Variants in PLCXD3 observed in about 807,000 individuals in gnomAD.
PLCXD3 encodes PI-PLC X domain-containing protein 3.
PLCXD3 carries 19 observed loss-of-function variants against 25.5 expected under a neutral mutation model. The ratio of observed to expected loss-of-function variants is 0.75; its 90% CI spans 0.52 to 1.09. The LOEUF (loss-of-function observed/expected upper bound fraction) is 1.09, where lower values mean the gene tolerates loss of function less well. PLCXD3 is among the 50% of genes least tolerant of loss of function. The pLI is 0.00. For missense variants in PLCXD3, 411 were observed against 388.1 expected (o/e 1.06, Z -0.50); for synonymous variants, 174 against 137.6 (o/e 1.26, Z -1.85).
chr5:41,509,925 G>A (rs1344833163), intron 1 of PLCXD3, among the ~76,000 whole-genome samples: 1 of 152,208 alleles, frequency 6.6e-6, no homozygotes, highest in East Asian at 1.9e-4. Flanking sequence ...TCTTTTTAAA[G>A]GAGATTGGGG....
intron 1 of PLCXD3, among the ~76,000 whole-genome samples, chr5:41,500,577 C>CACACAA (rs1178802524): frequency 6.6e-6 from 1 of 151,704 alleles, no homozygotes; most frequent in African/African-American, 2.4e-5. Context: ...CACACACACA[C>CACACAA]ACAAACACGC....
chr5:41,365,896 T>C (rs921399990), intron 2 of PLCXD3, among the ~76,000 whole-genome samples: 1 of 151,624 alleles, frequency 6.6e-6, no homozygotes, highest in African/African-American at 2.4e-5. Flanking sequence ...TTGTCCTTGT[T>C]CTCAATAGGT....
chr5:41,392,730 T>C (rs973602489), intron 1 of PLCXD3, among the ~76,000 whole-genome samples: 13 of 152,014 alleles, frequency 8.6e-5, no homozygotes, highest in African/African-American at 2.9e-4. Context: ...CACCAGGGAC[T>C]AATCCTGGAG....
At chr5:41,402,177 GATCACTA>G (rs1746206257) in intron 1 of PLCXD3, among the ~76,000 whole-genome samples, 1 of 151,320 alleles carries the variant, frequency 6.6e-6, no homozygotes, top group Non-Finnish European at 1.5e-5. Context: ...CTGAAATTTA[GATCACTA>G]ATTTTTATAC....
At chr5:41,491,163 T>C (rs186011964) in intron 1 of PLCXD3, among the ~76,000 whole-genome samples, 14 of 152,334 alleles carry the variant, frequency 9.2e-5, no homozygotes, top group Admixed American at 7.2e-4. Context: ...TCAAAGAATA[T>C]CTTTCTTTCT....
intron 1 of PLCXD3, among the ~76,000 whole-genome samples, chr5:41,399,778 G>C (rs902034994): frequency 3.3e-5 from 5 of 152,096 alleles, no homozygotes; most frequent in Non-Finnish European, 7.4e-5. Context: ...CAGGACCATG[G>C]TGTGGGCAAA....
At chr5:41,366,595 C>T (rs1186739080) in intron 2 of PLCXD3, among the ~76,000 whole-genome samples, 3 of 152,138 alleles carry the variant, frequency 2.0e-5, no homozygotes, top group African/African-American at 7.2e-5. Context: ...AACATGCATC[C>T]ACACACACAT....
At chr5:41,371,889 T>C (rs752079729) in intron 2 of PLCXD3, among the ~76,000 whole-genome samples, 11 of 152,154 alleles carry the variant, frequency 7.2e-5, no homozygotes, top group Non-Finnish European at 1.2e-4. Context: ...ATCTGGTCCA[T>C]TTTACTTCTT....
intron 1 of PLCXD3, among the ~76,000 whole-genome samples, chr5:41,398,647 T>A (rs1040952379): frequency 6.6e-6 from 1 of 152,164 alleles, no homozygotes; most frequent in Non-Finnish European, 1.5e-5. Context: ...TTTCAATTGA[T>A]GCTGAAAAAA....
At chr5:41,463,884 T>G (rs980825038) in intron 1 of PLCXD3, among the ~76,000 whole-genome samples, 3 of 141,238 alleles carry the variant, frequency 2.1e-5, no homozygotes, top group African/African-American at 7.3e-5. Context: ...CTTTGAAAAC[T>G]TATCCTCTCA....
intron 2 of PLCXD3, among the ~76,000 whole-genome samples, chr5:41,339,552 AG>A (rs1744079905): frequency 6.6e-6 from 1 of 152,136 alleles, no homozygotes; most frequent in Non-Finnish European, 1.5e-5. Context: ...ATACAGAAGC[AG>A]GGTTTCCAGG....
rs79643097 is a variant in PLCXD3 at position 41,509,766 on chromosome 5, A to G, written c.103+658T>C. Reference sequence around the variant, plus strand: ...CCAACACGCACTTGGACCAGACTCGAGACAGCGGCCACTCGGCCAGGTCCC... The same window carrying G: ...CCAACACGCACTTGGACCAGACTCGGGACAGCGGCCACTCGGCCAGGTCCC... On this transcript the variant is annotated intron_variant, in intron 1 of 2. Coordinates refer to ENST00000377801, the MANE Select transcript of PLCXD3 (RefSeq NM_001005473.3). 3.9e-3 allele frequency among the ~76,000 whole-genome samples: 597 copies of G among 152,286 alleles called. 5 individuals carry two copies. The highest frequency in any genetic ancestry group is 6.4e-3 in the Non-Finnish European group (433 of 68,012).
At chr5:41,397,463 GA>G (rs1746043359) in intron 1 of PLCXD3, among the ~76,000 whole-genome samples, 1 of 152,206 alleles carries the variant, frequency 6.6e-6, no homozygotes, top group South Asian at 2.1e-4. Context: ...GAGGATGTAT[GA>G]AAACACTTGG....
chr5:41,350,833 A>G (rs1484505736), intron 2 of PLCXD3, among the ~76,000 whole-genome samples: 1 of 152,188 alleles, frequency 6.6e-6, no homozygotes, highest in African/African-American at 2.4e-5. Context: ...CTTATATGTT[A>G]AATTCCGTTT....
At chr5:41,432,186 A>G (rs769377740) in intron 1 of PLCXD3, among the ~76,000 whole-genome samples, 1 of 152,148 alleles carries the variant, frequency 6.6e-6, no homozygotes, top group Non-Finnish European at 1.5e-5. Context: ...ATAAATTACG[A>G]CTTAAAGAAG....
intron 2 of PLCXD3, among the ~76,000 whole-genome samples, chr5:41,338,914 G>A (rs1744057544): frequency 6.6e-6 from 1 of 152,060 alleles, no homozygotes; most frequent in South Asian, 2.1e-4. Flanking sequence ...GTTCTCACTT[G>A]GGTGTGAAGT....
intron 1 of PLCXD3, among the ~76,000 whole-genome samples, chr5:41,413,436 T>C (rs1253705295): frequency 6.6e-6 from 1 of 152,146 alleles, no homozygotes; most frequent in Non-Finnish European, 1.5e-5. Flanking sequence ...CTAAACACTA[T>C]GATAGATGTA....
chr5:41,380,957 A>T (rs1011051597), intron 2 of PLCXD3, among the ~76,000 whole-genome samples: 5 of 152,174 alleles, frequency 3.3e-5, no homozygotes, highest in Admixed American at 6.5e-5. Flanking sequence ...TTGACCAATG[A>T]AGTGACCACT....
intron 1 of PLCXD3, among the ~76,000 whole-genome samples, chr5:41,486,799 A>T (rs1748528214): frequency 6.6e-6 from 1 of 152,220 alleles, no homozygotes; most frequent in Admixed American, 6.5e-5. Context: ...GACAACAAAG[A>T]ATATGAGGTT....
Sources: gnomAD v4.1 joint callset for allele counts (sites outside exome capture counted in the v4.1 genomes callset) on GRCh38, gnomAD v4.1.1 for gene constraint, MANE v1.5 for transcripts, NCBI Gene and HGNC (gene_info 2026-07-23, HGNC 2026-07-21) for gene names.